The following LENG8 variants were observed in gnomAD, a reference collection of about 807,000 sequenced individuals.
LENG8 encodes the protein leukocyte receptor cluster (LRC) member 8.
A neutral mutation model predicts 102.1 loss-of-function variants in LENG8; 28 were observed. The observed-to-expected ratio is 0.27, with a 90% confidence interval of 0.20 to 0.38. The LOEUF is 0.38. LENG8 is among the 10% of genes least tolerant of loss of function. The pLI, the probability that LENG8 is intolerant of heterozygous loss-of-function variation, is 1.00. For synonymous variants in LENG8, 531 were observed against 456.7 expected (o/e 1.16, Z -2.07); for missense variants, 1,022 against 1,113.9 (o/e 0.92, Z 1.17).
chr19:54,454,469 G>T lies in LENG8; in HGVS notation c.466G>T (p.Ala156Ser). 4 of 1,613,280 alleles carry T rather than the reference G, an allele frequency of 2.5e-6. No individual in the cohort carries two copies. Among genetic ancestry groups the T allele is most frequent in the Non-Finnish European group, 3.4e-6 (4 of 1,179,694 alleles). Residue 156 changes from alanine (A) to serine (S), a missense_variant, in exon 6 of 16, where the codon GCT (alanine) becomes TCT (serine). Physicochemically the swap from Ala to Ser is moderately conservative, Grantham distance 99. This residue lies in a region of LENG8 where 343 missense variants were observed against 320.2 expected (regional missense o/e 1.07). Transcript: ENST00000326764. ...PGMDESMSYQ[A>S]PPQQLPSAQP... is the part of the protein sequence containing the mutation. ...CATGGATGAGAGCATGTCCTACCAG[G>T]CTCCCCCTCAGCAGCTGCCGTCGGC...
Position 54,455,404 on chromosome 19 carries a change from G to C in LENG8, c.862G>C (p.Asp288His). The C allele has an allele frequency of 6.2e-7, 1 of 1,614,206 alleles. No homozygotes were observed. Among genetic ancestry groups the C allele is most frequent in the Non-Finnish European group, 8.5e-7 (1 of 1,180,036 alleles). The change falls in exon 8 of 16, where the codon GAC (aspartate) becomes CAC (histidine). Residue 288 changes from aspartate to histidine, a missense_variant. Physicochemically the swap from Asp to His is moderately conservative, Grantham distance 81. Around this residue, in one of 7 missense-constraint regions of LENG8, gnomAD observed 343 missense variants for 320.2 expected, o/e 1.07. Transcript: ENST00000326764. ...GGGGAACCTGTCTGGGAAGCCGGAT[G>C]ACTGGCCCCAGGACATGAAAGAGTA... ...ARGNLSGKPDDWPQDMKEYVE... is the reference protein window; with the variant it reads ...ARGNLSGKPDHWPQDMKEYVE...
intron 15 of LENG8, 170 bp from the exon 16 acceptor site, chr19:54,460,585 ACCCCCCCCGGG>A (rs1296516919): frequency 1.3e-5 from 18 of 1,356,366 alleles, no homozygotes; most frequent in African/African-American, 7.5e-5. Flanking sequence ...GGGGTCACTA[ACCCCCCCCGGG>A]CCCCCCCCGA....
In LENG8 at chr19:54,456,324, G is replaced by A. The variant is rs764983673; in HGVS notation, c.1305-1G>A. ...CCTGACCCTCCTGCTTCTTCCTGCA[G>A]TGACTCCCACTCAGACTCCGACAGC... On this transcript the variant is annotated splice_acceptor_variant, in intron 9 of 15. Transcript: ENST00000326764. LOFTEE classifies it high-confidence loss of function. The A allele has an allele frequency of 1.9e-6, 3 of 1,614,060 alleles. No individual in the cohort carries two copies. The Admixed American group carries it at 5.0e-5, about 27-fold the overall frequency.
At chr19:54,459,213 T>C (rs904376380) in intron 15 of LENG8, 14 of 1,103,334 alleles carry the variant, frequency 1.3e-5, no homozygotes. Context: ...AAGGGGATGC[T>C]CTTGGCATCT....
intron 5 of LENG8, among the ~76,000 whole-genome samples, chr19:54,454,121 C>T (rs1402831876): frequency 6.6e-6 from 1 of 151,828 alleles, no homozygotes; most frequent in Non-Finnish European, 1.5e-5. Context: ...CAGATGGTAG[C>T]GCTGGAGTGG....
chr19:54,457,509 T>G (rs1291200481), intron 11 of LENG8, among the ~76,000 whole-genome samples: 1 of 152,128 alleles, frequency 6.6e-6, no homozygotes, highest in East Asian at 1.9e-4. Flanking sequence ...CCTGGCTGAT[T>G]TTTGTATTTT....
At chr19:54,455,201 A>G (rs1303037971) in intron 7 of LENG8, 109 bp downstream of exon 7, 19 of 1,535,056 alleles carry the variant, frequency 1.2e-5, no homozygotes. Flanking sequence ...GCGCCTCTGA[A>G]AAGGGCAGAA....
rs2084022990 is a variant in LENG8, at chr19:54,452,787, G to C, written c.315+35G>C. On this transcript the variant is annotated intron_variant, in intron 4 of 15. Transcript: ENST00000326764. ...CAGCCAGTGGGGCGGGGCAGGGCGA[G>C]GTGGAGTCTGCTGGGTCGGGGCGAG... 3 of 1,499,184 alleles carry C rather than the reference G, an allele frequency of 2.0e-6. No individual in the cohort carries two copies. In the East Asian group the frequency reaches 6.8e-5, roughly 34 times the overall value. 92.9% of individuals were successfully genotyped at this position (1,499,184 alleles called of 1,614,324 possible).
rs200130241 is a variant in LENG8 at position 54,455,018 on chromosome 19, C to T, written c.747C>T (p.Ser249=). Residue 249 remains serine, a synonymous_variant, in exon 7 of 16, where the codon AGC becomes AGT. Transcript: ENST00000326764. ...GACCCTTTGCTGTTACCACCCAGAGCTTTGGCTCCAACGCAGAGGGCCAGC... is the reference window on the plus strand; with the variant it reads ...GACCCTTTGCTGTTACCACCCAGAGTTTTGGCTCCAACGCAGAGGGCCAGC... ...QKRPFAVTTQ[S]FGSNAEGQHS... is the part of the protein sequence containing the mutation. 1.2e-4 allele frequency: 199 copies of T among 1,614,206 alleles called. No homozygotes were observed. Among genetic ancestry groups the T allele is most frequent in the Admixed American group, 1.7e-4 (10 of 60,014 alleles).
At chr19:54,460,719 G>GGGCAA in intron 15 of LENG8, 47 bp from the exon 16 acceptor site, 1 of 778,914 alleles carries the variant, frequency 1.3e-6, no homozygotes, top group Non-Finnish European at 1.8e-6. Flanking sequence ...GCCCTCCCCT[G>GGGCAA]CCCTCCCGCC....
chr19:54,461,762 A>C lies in LENG8; in HGVS notation c.*834A>C, dbSNP rs927805198. The C allele has an allele frequency of 1.8e-6, 1 of 552,570 alleles. No homozygotes were observed. 34.2% of individuals were successfully genotyped at this position (552,570 alleles called of 1,614,324 possible). A position where few individuals can be genotyped will look rare whatever the true frequency, so the allele number is the denominator to read the frequency against. On this transcript the variant is annotated 3_prime_UTR_variant, in exon 16 of 16. Coordinates refer to ENST00000326764, the MANE Select transcript of LENG8 (RefSeq NM_052925.4). ...TTCTCTTTTCTTTGTGTGTGTGTTT[A>C]TTTAAGTTATTTTTCTTCCTCCTCT...
intron 4 of LENG8, among the ~76,000 whole-genome samples, chr19:54,453,165 C>G (rs943036598): frequency 3.3e-5 from 5 of 152,136 alleles, no homozygotes; most frequent in African/African-American, 1.2e-4. Flanking sequence ...CGCAGCCTGT[C>G]CCTCTCCCTT....
At position 54,455,017 on chromosome 19, in the gene LENG8, G is replaced by T; in HGVS notation, c.746G>T (p.Ser249Ile). The change falls in exon 7 of 16, where the codon AGC (serine) becomes ATC (isoleucine). Residue 249 changes from serine to isoleucine, a missense_variant. Transcript: ENST00000326764. ...CGACCCTTTGCTGTTACCACCCAGA[G>T]CTTTGGCTCCAACGCAGAGGGCCAG... ...QKRPFAVTTQSFGSNAEGQHS... is the reference protein window; with the variant it reads ...QKRPFAVTTQIFGSNAEGQHS... The T allele has an allele frequency of 6.2e-7, 1 of 1,614,200 alleles. No homozygotes were observed. The highest frequency in any genetic ancestry group is 8.5e-7 in the Non-Finnish European group (1 of 1,180,036).
Position 54,453,631 on chromosome 19 carries a change from C to G in LENG8, c.401C>G (p.Pro134Arg), listed in dbSNP as rs778940701. Residue 134 changes from proline (P) to arginine (R), a missense_variant, in exon 5 of 16, where the codon CCC (proline) becomes CGC (arginine). By Grantham distance (103) the Pro-to-Arg change is moderately radical. Transcript: ENST00000326764. ...GSATPQQPSA[P>R]QHQGTLNQPP... ...GCCACACCCCAGCAGCCATCCGCAC[C>G]CCAACACCAAGGGACTCTGAACCAG... The G allele has an allele frequency of 2.5e-6, 4 of 1,613,640 alleles. No homozygotes were observed. Among genetic ancestry groups the G allele is most frequent in the Non-Finnish European group, 3.4e-6 (4 of 1,179,850 alleles).
At position 54,455,108 on chromosome 19, in the gene LENG8, T is replaced by A. The variant is rs998508699; in HGVS notation, c.821+16T>A. 6.2e-7 allele frequency: 1 copy of A among 1,613,996 alleles called. No individual in the cohort carries two copies. The highest frequency in any genetic ancestry group is 1.6e-4 in the Middle Eastern group (1 of 6,062). On this transcript the variant is annotated intron_variant, in intron 7 of 15. Transcript: ENST00000326764. ...AGAACCACAGGTGACGTCTGCCCCC[T>A]TGCCCCGTCGCAGCCCCACACTCTG...
rs2084212258 is a variant in LENG8, at chr19:54,455,957, G to GTA, written c.1026-8_1026-7dup. ...GGGGTTGGTGACGCCCTGCCCTGCT[G>GTA]TATTCTCAGGCTGACCCGGGAGCCT... is the stretch of plus-strand genomic sequence containing the variant. On this transcript the variant is annotated splice_polypyrimidine_tract_variant and intron_variant, in intron 8 of 15. Transcript: ENST00000326764. 6.2e-7 allele frequency: 1 copy of GTA among 1,609,756 alleles called. No homozygotes were observed. The highest frequency in any genetic ancestry group is 8.5e-7 in the Non-Finnish European group (1 of 1,178,476).
At chr19:54,452,352 C>G in intron 3 of LENG8, 85 bp downstream of exon 3, 3 of 1,235,212 alleles carry the variant, frequency 2.4e-6, no homozygotes, top group African/African-American at 3.0e-5. Flanking sequence ...ATCATTCAGA[C>G]GGGGTGCTCT....
intron 11 of LENG8, among the ~76,000 whole-genome samples, 188 bp downstream of exon 11, chr19:54,457,109 G>A (rs527453349): frequency 2.0e-4 from 30 of 152,266 alleles, no homozygotes; most frequent in Non-Finnish European, 3.4e-4. Flanking sequence ...CTGGAGCCCC[G>A]CGTGGCGGGT....
chr19:54,460,717 C>CGGGG, intron 15 of LENG8, 49 bp from the exon 16 acceptor site: 4 of 1,360,230 alleles, frequency 2.9e-6, no homozygotes, highest in Non-Finnish European at 3.9e-6. Flanking sequence ...GGGCCCTCCC[C>CGGGG]TGCCCTCCCG....
Sources: allele counts gnomAD v4.1 joint callset (sites outside exome capture counted in the v4.1 genomes callset), GRCh38; gene constraint gnomAD v4.1.1; regional missense constraint gnomAD v4.1.1; transcripts MANE v1.5; gene names NCBI Gene and HGNC (gene_info 2026-07-23, HGNC 2026-07-21).